The following STAG1 variants were observed in gnomAD, a reference collection of about 807,000 sequenced individuals.
The protein encoded by STAG1 is STAG1 cohesin complex component.
Under a neutral mutation model 170.9 loss-of-function variants are expected in STAG1, and 26 were observed. The observed-to-expected ratio is 0.15, with a 90% CI of 0.11 to 0.21. STAG1 has a LOEUF of 0.21. Among genes scored for constraint, STAG1 ranks in the 10% least tolerant of loss-of-function variants. STAG1 has a pLI of 1.00. For synonymous variants in STAG1, 514 were observed against 497.7 expected, an observed-to-expected ratio of 1.03 and a Z score of -0.44; for missense variants, 964 against 1,509.5, an observed-to-expected ratio of 0.64 and a Z score of 5.99.
intron 9 of STAG1, among the ~76,000 whole-genome samples, chr3:136,489,285 G>A (rs553113087): frequency 2.0e-5 from 3 of 152,208 alleles, no homozygotes; most frequent in African/African-American, 4.8e-5. Flanking sequence ...ATGGTATCTG[G>A]ACCTAAGTTT....
At chr3:136,455,996 CAAG>C (rs2089101822) in intron 13 of STAG1, among the ~76,000 whole-genome samples, 1 of 152,110 alleles carries the variant, frequency 6.6e-6, no homozygotes, top group South Asian at 2.1e-4. Context: ...AAGAAAAAAA[CAAG>C]AGGCCAGGGT....
intron 28 of STAG1, among the ~76,000 whole-genome samples, chr3:136,353,526 T>G (rs1936514585): frequency 6.6e-6 from 1 of 152,232 alleles, no homozygotes; most frequent in African/African-American, 2.4e-5. Flanking sequence ...TCTTATCACC[T>G]GGCTCACAAT....
At chr3:136,636,067 G>C (rs758041586) in intron 1 of STAG1, among the ~76,000 whole-genome samples, 2 of 152,034 alleles carry the variant, frequency 1.3e-5, no homozygotes, top group African/African-American at 2.4e-5. Context: ...GGCCAACATG[G>C]TGAAACCCCA....
At chr3:136,445,642 C>CTT (rs2088756605) in intron 14 of STAG1, among the ~76,000 whole-genome samples, 1 of 152,100 alleles carries the variant, frequency 6.6e-6, no homozygotes, top group South Asian at 2.1e-4. Context: ...GCTGAATATG[C>CTT]TTTTGTGCTT....
At position 136,688,547 on chromosome 3, in the gene STAG1, G is replaced by A. The variant is rs754147070; in HGVS notation, c.-83-57566C>T. Among the ~76,000 whole-genome samples, 57 of 152,134 alleles carry A rather than the reference G, an allele frequency of 3.7e-4. 1 individual carries two copies. The highest frequency in any genetic ancestry group is 5.1e-4 in the Non-Finnish European group (35 of 68,000). The stretch of plus-strand genomic sequence containing the variant: ...GCTGCGATTACAGGCGCATGTCACC[G>A]CGCCCAGCTAATTTTTATATTTTTA... On this transcript the variant is annotated intron_variant, in intron 1 of 33. Transcript: ENST00000383202.
intron 1 of STAG1, among the ~76,000 whole-genome samples, chr3:136,712,400 T>C (rs1396285955): frequency 1.3e-5 from 2 of 152,148 alleles, no homozygotes; most frequent in Non-Finnish European, 1.5e-5. Flanking sequence ...ATAAGTAACC[T>C]ACTTAAACTG....
chr3:136,372,015 A>C (rs947379849), intron 23 of STAG1, among the ~76,000 whole-genome samples: 2 of 152,126 alleles, frequency 1.3e-5, no homozygotes, highest in Admixed American at 1.3e-4. Flanking sequence ...ACTTGTTTGT[A>C]TCCTCTTTTA....
At chr3:136,691,232 G>A (rs760867079) in intron 1 of STAG1, among the ~76,000 whole-genome samples, 12 of 151,948 alleles carry the variant, frequency 7.9e-5, no homozygotes, top group Non-Finnish European at 1.6e-4. Context: ...TCAGGAGATC[G>A]AGACCATCCT....
At chr3:136,383,825 G>A (rs111341912) in intron 22 of STAG1, among the ~76,000 whole-genome samples, 1 of 151,810 alleles carries the variant, frequency 6.6e-6, no homozygotes, top group South Asian at 2.1e-4. Flanking sequence ...CGTGGTGGCA[G>A]GCGCCTGTAG....
intron 1 of STAG1, among the ~76,000 whole-genome samples, chr3:136,690,794 G>C (rs929706881): frequency 6.6e-6 from 1 of 151,846 alleles, no homozygotes; most frequent in Admixed American, 6.6e-5. Context: ...ATTTAGAAGA[G>C]CTTTGATACT....
chr3:136,701,403 CGTGT>C (rs368425530), intron 1 of STAG1, among the ~76,000 whole-genome samples: 7 of 151,670 alleles, frequency 4.6e-5, no homozygotes, highest in African/African-American at 4.8e-5. Context: ...TTCCCATCCT[CGTGT>C]GTGTGTGTGT....
intron 3 of STAG1, among the ~76,000 whole-genome samples, chr3:136,606,106 C>T (rs558857168): frequency 3.3e-5 from 5 of 151,866 alleles, no homozygotes; most frequent in Admixed American, 3.3e-4. Context: ...ATAGTTACTC[C>T]TATAATTAAC....
chr3:136,419,623 G>T (rs1466000996), intron 20 of STAG1, among the ~76,000 whole-genome samples: 3 of 136,496 alleles, frequency 2.2e-5, no homozygotes, highest in Non-Finnish European at 3.2e-5. Context: ...TTTTGTGTGT[G>T]TTTTTTTTTT....
At chr3:136,339,142 T>C (rs890659502) in intron 32 of STAG1, among the ~76,000 whole-genome samples, 2 of 151,996 alleles carry the variant, frequency 1.3e-5, no homozygotes, top group African/African-American at 4.8e-5. Context: ...GGAAAGACCA[T>C]CTAAAGACAA....
intron 23 of STAG1, 120 bp from the exon 24 acceptor site, chr3:136,369,402 A>T (rs1260301440): frequency 2.8e-6 from 2 of 722,526 alleles, no homozygotes; most frequent in African/African-American, 3.8e-5. Context: ...ATAAATTTTC[A>T]GTATTTAAAT....
At chr3:136,467,342 A>G (rs9810789) in intron 12 of STAG1, among the ~76,000 whole-genome samples, 25,100 of 152,092 alleles carry the variant, frequency 0.17, 2,746 homozygotes, top group Non-Finnish European at 0.24. Context: ...AAACAAAAAA[A>G]GGCAGGGGTT....
intron 27 of STAG1, among the ~76,000 whole-genome samples, chr3:136,358,585 T>C (rs914597507): frequency 2.0e-5 from 3 of 152,184 alleles, no homozygotes; most frequent in African/African-American, 7.2e-5. Context: ...ATAATAATTA[T>C]TTTTTCAGAG....
chr3:136,471,730 A>T (rs994868580), intron 12 of STAG1, among the ~76,000 whole-genome samples: 1 of 152,150 alleles, frequency 6.6e-6, no homozygotes, highest in African/African-American at 2.4e-5. Context: ...TTAGTGAGAC[A>T]ATTTAATTGC....
chr3:136,467,504 T>C (rs879326813), intron 12 of STAG1, among the ~76,000 whole-genome samples: 1 of 152,002 alleles, frequency 6.6e-6, no homozygotes, highest in Non-Finnish European at 1.5e-5. Context: ...CCCAGATTCA[T>C]AAAGAAAGTC....
Sources: allele counts gnomAD v4.1 joint callset (sites outside exome capture counted in the v4.1 genomes callset), GRCh38; gene constraint gnomAD v4.1.1; transcripts MANE v1.5; gene names NCBI Gene and HGNC (gene_info 2026-07-23, HGNC 2026-07-21).